NR3C2: variants seen among roughly 807,000 people sequenced by gnomAD.
NR3C2 encodes nuclear receptor subfamily 3 group C member 2, also known as mineralocorticoid receptor.
NR3C2 carries 15 observed loss-of-function variants against 86.4 expected under a neutral mutation model. That is an observed-to-expected ratio of 0.17 (90% CI 0.12 to 0.27). The LOEUF (loss-of-function observed/expected upper bound fraction) is 0.27. NR3C2 is among the 10% of genes least tolerant of loss of function. The pLI is 1.00. For missense variants in NR3C2, 960 were observed against 1,195.6 expected (o/e 0.80, Z 2.91); for synonymous variants, 458 against 450.5 (o/e 1.02, Z -0.21).
chr4:148,128,706 T>C (rs2149740467), intron 6 of NR3C2, among the ~76,000 whole-genome samples: 1 of 113,764 alleles, frequency 8.8e-6, no homozygotes, highest in Middle Eastern at 4.5e-3. Context: ...CTTTGAGTTT[T>C]AGGGGCTAGT....
At chr4:148,147,169 A>G (rs545166727) in intron 6 of NR3C2, among the ~76,000 whole-genome samples, 1 of 152,362 alleles carries the variant, frequency 6.6e-6, no homozygotes, top group South Asian at 2.1e-4. Flanking sequence ...AATGTTTAGT[A>G]AAAAATTAGA....
At chr4:148,255,166 A>G (rs1228837774) in intron 3 of NR3C2, among the ~76,000 whole-genome samples, 3 of 152,124 alleles carry the variant, frequency 2.0e-5, no homozygotes, top group African/African-American at 7.2e-5. Flanking sequence ...TGACAGGGAT[A>G]ATGTGGTTTA....
intron 3 of NR3C2, among the ~76,000 whole-genome samples, chr4:148,246,706 C>T (rs1487737879): frequency 6.6e-6 from 1 of 152,102 alleles, no homozygotes; most frequent in Non-Finnish European, 1.5e-5. Context: ...TGCTCACCAC[C>T]ACGCCAGGCT....
At chr4:148,264,822 T>A (rs894359155) in intron 2 of NR3C2, among the ~76,000 whole-genome samples, 2 of 152,154 alleles carry the variant, frequency 1.3e-5, no homozygotes, top group Non-Finnish European at 2.9e-5. Context: ...TTGATCTGGA[T>A]CAAACATAAA....
intron 8 of NR3C2, among the ~76,000 whole-genome samples, chr4:148,110,496 T>C (rs1732002387): frequency 6.6e-6 from 1 of 152,194 alleles, no homozygotes; most frequent in Admixed American, 6.5e-5. Context: ...CTTTGTTCCC[T>C]TGAAGAAAAT....
chr4:148,137,960 T>C (rs2149750521), intron 6 of NR3C2, among the ~76,000 whole-genome samples: 1 of 152,346 alleles, frequency 6.6e-6, no homozygotes, highest in Non-Finnish European at 1.5e-5. Context: ...ATGTGATGGC[T>C]TTATGTTTCT....
chr4:148,189,018 C>G (rs1736071951), intron 4 of NR3C2, among the ~76,000 whole-genome samples: 1 of 151,316 alleles, frequency 6.6e-6, no homozygotes, highest in African/African-American at 2.4e-5. Context: ...ACCTCCGCCT[C>G]CTGGGTTCAT....
chr4:148,105,177 T>C (rs987217145), intron 8 of NR3C2, among the ~76,000 whole-genome samples: 1 of 152,022 alleles, frequency 6.6e-6, no homozygotes, highest in African/African-American at 2.4e-5. Flanking sequence ...CTCAAAATAA[T>C]GTGTGAATAA....
intron 2 of NR3C2, among the ~76,000 whole-genome samples, chr4:148,297,291 G>A (rs1742099543): frequency 6.6e-6 from 1 of 152,120 alleles, no homozygotes; most frequent in Non-Finnish European, 1.5e-5. Context: ...TTTCAAAATT[G>A]ATATTGTATT....
chr4:148,125,539 C>A (rs535605132), intron 6 of NR3C2, among the ~76,000 whole-genome samples: 12 of 152,266 alleles, frequency 7.9e-5, no homozygotes, highest in Non-Finnish European at 1.6e-4. Flanking sequence ...CCTAGTTTTG[C>A]ACCTTTTAAA....
intron 3 of NR3C2, among the ~76,000 whole-genome samples, chr4:148,199,805 G>C (rs114697097): frequency 0.016 from 2,430 of 152,268 alleles, 37 homozygotes; most frequent in Middle Eastern, 0.034. Flanking sequence ...TACGGGTTAG[G>C]AGTAGGTTGG....
chr4:148,326,258 G>A (rs1402316133), intron 2 of NR3C2, among the ~76,000 whole-genome samples: 4 of 148,918 alleles, frequency 2.7e-5, no homozygotes, highest in African/African-American at 4.9e-5. Flanking sequence ...AAAATTAGCC[G>A]GGCATGGTGG....
chr4:148,351,981 T>C (rs1016111761), intron 2 of NR3C2, among the ~76,000 whole-genome samples: 7 of 152,176 alleles, frequency 4.6e-5, no homozygotes, highest in African/African-American at 7.2e-5. Flanking sequence ...GGTAGATTAA[T>C]GTGTGGTTGA....
At chr4:148,251,277 C>A (rs945896852) in intron 3 of NR3C2, among the ~76,000 whole-genome samples, 1 of 152,102 alleles carries the variant, frequency 6.6e-6, no homozygotes, top group Non-Finnish European at 1.5e-5. Flanking sequence ...ATCTAATAGT[C>A]TTCCATCACC....
At chr4:148,195,341 TA>T (rs1367244592) in intron 3 of NR3C2, among the ~76,000 whole-genome samples, 6 of 152,054 alleles carry the variant, frequency 3.9e-5, no homozygotes, top group African/African-American at 7.2e-5. Context: ...AATATGGAAC[TA>T]AAAAAAATCA....
upstream of NR3C2, among the ~76,000 whole-genome samples, chr4:148,443,273 A>T (rs1750445827): frequency 1.3e-5 from 2 of 148,784 alleles, no homozygotes; most frequent in Non-Finnish European, 3.0e-5. Flanking sequence ...GAGAAAGATA[A>T]ATGAAAGAAG....
At position 148,079,692 on chromosome 4, in the gene NR3C2, A is replaced by C. The variant is rs1358529625; in HGVS notation, c.*1652T>G. 2.6e-5 allele frequency: 4 copies of C among 152,698 alleles called. No individual in the cohort carries two copies. The highest frequency in any genetic ancestry group is 2.6e-4 in the Admixed American group (4 of 15,286). 9.5% of individuals were successfully genotyped at this position (152,698 alleles called of 1,614,324 possible). Reference sequence around the variant, plus strand: ...TGCCAAACAAACAGATTAATGAATTAAACATTTTAGTGCCACTGTCTTGCT... The same window carrying C: ...TGCCAAACAAACAGATTAATGAATTCAACATTTTAGTGCCACTGTCTTGCT... On this transcript the variant is annotated 3_prime_UTR_variant, in exon 9 of 9. Transcript: ENST00000358102.
chr4:148,082,420 T>TC (rs1730607576), intron 8 of NR3C2, among the ~76,000 whole-genome samples: 1 of 152,094 alleles, frequency 6.6e-6, no homozygotes, highest in Non-Finnish European at 1.5e-5. Context: ...GAGGGTGAGC[T>TC]GAAGCAGGGT....
chr4:148,235,178 TA>T, intron 3 of NR3C2, among the ~76,000 whole-genome samples: 1 of 151,724 alleles, frequency 6.6e-6, no homozygotes, highest in East Asian at 1.9e-4. Context: ...AAAACAACTG[TA>T]AAAAGATCTT....
Sources: gnomAD v4.1 joint callset for allele counts (sites outside exome capture counted in the v4.1 genomes callset) on GRCh38, gnomAD v4.1.1 for gene constraint, MANE v1.5 for transcripts, NCBI Gene and HGNC (gene_info 2026-07-23, HGNC 2026-07-21) for gene names.